The following IL1RL2 variants were observed in gnomAD, a reference collection of about 807,000 sequenced individuals.
IL1RL2 encodes interleukin 1 receptor like 2, also known as interleukin-1 receptor-like 2.
A neutral mutation model predicts 66.8 loss-of-function variants in IL1RL2; 68 were observed. The observed-to-expected ratio is 1.02, with a 90% confidence interval of 0.84 to 1.25. The LOEUF is 1.25. Among genes scored for constraint, IL1RL2 ranks in the 50% most tolerant of loss-of-function variants. The pLI, the probability that IL1RL2 is intolerant of heterozygous loss-of-function variation, is 0.00. For missense variants in IL1RL2, 729 were observed against 709.3 expected (o/e 1.03, Z -0.32); for synonymous variants, 305 against 264.6 (o/e 1.15, Z -1.48).
chr2:102,219,952 A>T lies in IL1RL2; in HGVS notation c.926A>T (p.Asp309Val). The change falls in exon 8 of 12, where the codon GAT becomes GTT. Residue 309 changes from aspartate (D) to valine (V), a missense_variant. Physicochemically the swap from Asp to Val is radical, Grantham distance 152 (BLOSUM62 -3). Coordinates refer to ENST00000264257, the MANE Select transcript of IL1RL2 (RefSeq NM_003854.4). ...NITFLEVKME[D>V]YGLPFMCHAG... ...ACCTTCTTGGAAGTGAAAATGGAAG[A>T]TTATGGCCTTCCTTTCATGTGCCAC... 6.2e-7 allele frequency: 1 copy of T among 1,613,696 alleles called. No homozygotes were observed. Among genetic ancestry groups the T allele is most frequent in the Non-Finnish European group, 8.5e-7 (1 of 1,179,632 alleles).
At chr2:102,211,078 C>T (rs1689129546) in intron 5 of IL1RL2, among the ~76,000 whole-genome samples, 1 of 152,040 alleles carries the variant, frequency 6.6e-6, no homozygotes, top group Admixed American at 6.6e-5. Flanking sequence ...TGTGTGTGAT[C>T]TAGTGGGTGA....
intron 6 of IL1RL2, among the ~76,000 whole-genome samples, chr2:102,218,735 T>C (rs993306414): frequency 6.6e-6 from 1 of 152,222 alleles, no homozygotes; most frequent in Non-Finnish European, 1.5e-5. Flanking sequence ...GTAATGCATG[T>C]GTGTCCCTTT....
At chr2:102,199,581 A>G (rs1688060120) in intron 4 of IL1RL2, among the ~76,000 whole-genome samples, 1 of 152,266 alleles carries the variant, frequency 6.6e-6, no homozygotes. Flanking sequence ...TTTTAAATTT[A>G]AATCCAAGCT....
chr2:102,215,799 T>C (rs1689563267), intron 6 of IL1RL2, among the ~76,000 whole-genome samples: 1 of 152,126 alleles, frequency 6.6e-6, no homozygotes, highest in African/African-American at 2.4e-5. Flanking sequence ...AAGACTACAC[T>C]TCTGTCTCTG....
Position 102,187,103 on chromosome 2 carries a change from G to A in IL1RL2, c.-13+17G>A. On this transcript the variant is annotated intron_variant, in intron 1 of 11. Coordinates refer to ENST00000264257, the MANE Select transcript of IL1RL2 (RefSeq NM_003854.4). ...TGCAGGCAGGTAGACACCGGGCCGG[G>A]AGTCTGGCTGAGCCAGGCATGGGTG... The A allele has an allele frequency of 7.8e-7, 1 of 1,289,738 alleles. No homozygotes were observed. Among genetic ancestry groups the A allele is most frequent in the Non-Finnish European group, 1.0e-6 (1 of 988,740 alleles). The allele number at this position is 1,289,738 out of a possible 1,614,324, so 79.9% of individuals were successfully genotyped here.
chr2:102,188,986 A>G, intron 2 of IL1RL2, 90 bp from the exon 3 acceptor site: 1 of 915,378 alleles, frequency 1.1e-6, no homozygotes, highest in Non-Finnish European at 1.6e-6. Flanking sequence ...TTGGCTGGAA[A>G]ATTGAAGAGG....
rs762988343 is a variant in IL1RL2, at chr2:102,225,903, G to C, written c.997G>C (p.Asp333His). ...TTTTTTGCTGTCATTTGTAGCTCCG[G>C]ATTTTCGAGCTTACTTGATAGGAGG... is the stretch of plus-strand genomic sequence containing the variant. ...AYIILQLPAP[D>H]FRAYLIGGLI... Residue 333 changes from aspartate to histidine, a missense_variant, in exon 9 of 12, where the codon GAT becomes CAT. Transcript: ENST00000264257. 4.4e-6 allele frequency: 7 copies of C among 1,575,202 alleles called. No homozygotes were observed. Among genetic ancestry groups the C allele is most frequent in the Non-Finnish European group, 6.0e-6 (7 of 1,163,000 alleles).
At chr2:102,235,460 T>G (rs2104900749) in intron 11 of IL1RL2, 183 bp downstream of exon 11, 2 of 985,466 alleles carry the variant, frequency 2.0e-6, no homozygotes, top group Non-Finnish European at 2.4e-6. Context: ...CAGAGCTGCT[T>G]CTTCAGGGAA....
chr2:102,229,243 A>T (rs1578189390), intron 9 of IL1RL2, among the ~76,000 whole-genome samples: 1 of 152,198 alleles, frequency 6.6e-6, no homozygotes, highest in East Asian at 1.9e-4. Context: ...ATTTTAAGGG[A>T]GTGGAAATAG....
chr2:102,188,044 C>G (rs1295016836), intron 2 of IL1RL2, 119 bp downstream of exon 2: 26 of 934,892 alleles, frequency 2.8e-5, no homozygotes, highest in Non-Finnish European at 4.0e-5. Context: ...CTCCCCAGAC[C>G]GCCAGGCGGA....
chr2:102,219,876 T>A lies in IL1RL2; in HGVS notation c.855-5T>A. 6.2e-7 allele frequency: 1 copy of A among 1,600,200 alleles called. No individual in the cohort carries two copies. The highest frequency in any genetic ancestry group is 1.3e-5 in the African/African-American group (1 of 74,840). On this transcript the variant is annotated splice_polypyrimidine_tract_variant and splice_region_variant and intron_variant, in intron 7 of 11. Transcript: ENST00000264257. ...GTATTAATGACTTACTCTTTTCTTTTATAGAACCCATGTCTCTTTTCGGGA... is the reference window on the plus strand; with the variant it reads ...GTATTAATGACTTACTCTTTTCTTTAATAGAACCCATGTCTCTTTTCGGGA...
At chr2:102,220,376 G>A (rs990792347) in intron 8 of IL1RL2, among the ~76,000 whole-genome samples, 1 of 152,158 alleles carries the variant, frequency 6.6e-6, no homozygotes, top group Non-Finnish European at 1.5e-5. Context: ...AAGCCAAAAT[G>A]CCTATGTATA....
At chr2:102,207,742 A>T (rs762251793) in intron 5 of IL1RL2, among the ~76,000 whole-genome samples, 1 of 152,132 alleles carries the variant, frequency 6.6e-6, no homozygotes, top group Non-Finnish European at 1.5e-5. Context: ...GCTGCCCTAG[A>T]TGGGAATACT....
At position 102,189,168 on chromosome 2, in the gene IL1RL2, G is replaced by A. The variant is rs370027210; in HGVS notation, c.151G>A (p.Glu51Lys). The A allele has an allele frequency of 2.0e-5, 33 of 1,613,934 alleles. No homozygotes were observed. The highest frequency in any genetic ancestry group is 2.8e-5 in the Non-Finnish European group (33 of 1,179,928). ...TACATTCCCTCCCATAACATCTGGG[G>A]AAGTCAGTGTAACATGGTATAAAAA... ...NCTFPPITSG[E>K]VSVTWYKNSS... The change falls in exon 3 of 12, where the codon GAA becomes AAA. Residue 51 changes from glutamate (E) to lysine (K), a missense_variant. Transcript: ENST00000264257.
downstream of IL1RL2, among the ~76,000 whole-genome samples, chr2:102,241,938 T>C (rs888636882): frequency 1.3e-5 from 2 of 152,240 alleles, no homozygotes; most frequent in Admixed American, 6.5e-5. Context: ...TACTATGATG[T>C]CTCGGATTTA....
At chr2:102,188,033 C>A in intron 2 of IL1RL2, 108 bp downstream of exon 2, 1 of 1,007,012 alleles carries the variant, frequency 9.9e-7, no homozygotes, top group East Asian at 2.4e-5. Context: ...GGCTCCTTCC[C>A]CTCCCCAGAC....
Position 102,235,175 on chromosome 2 carries a change from A to C in IL1RL2, c.1576A>C (p.Thr526Pro). The C allele has an allele frequency of 1.9e-6, 3 of 1,614,220 alleles. No individual in the cohort carries two copies. Among genetic ancestry groups the C allele is most frequent in the Non-Finnish European group, 2.5e-6 (3 of 1,180,040 alleles). The change falls in exon 11 of 12, where the codon ACC becomes CCC. Residue 526 changes from threonine (T) to proline (P), a missense_variant. By Grantham distance (38) the Thr-to-Pro change is conservative (BLOSUM62 -1). Coordinates refer to ENST00000264257, the MANE Select transcript of IL1RL2 (RefSeq NM_003854.4). ...DFTEQSQCMK[T>P]KFWKTVRYHM... is the part of the protein sequence containing the mutation. The stretch of plus-strand genomic sequence containing the variant: ...CACGGAGCAGTCACAGTGTATGAAG[A>C]CCAAGTTTTGGAAGACAGTGAGATA...
chr2:102,231,922 C>T (rs1180482012), intron 9 of IL1RL2, among the ~76,000 whole-genome samples: 2 of 152,166 alleles, frequency 1.3e-5, no homozygotes, highest in Admixed American at 6.5e-5. Context: ...CCAGTTTTGC[C>T]TGGTGCAGTT....
chr2:102,195,639 C>T (rs868456737), intron 4 of IL1RL2, among the ~76,000 whole-genome samples: 4 of 31,888 alleles, frequency 1.3e-4, no homozygotes, highest in Admixed American at 3.1e-4. Flanking sequence ...CTCTCTCTCT[C>T]TCTCTCTCTT....
Sources: gnomAD v4.1 joint callset for allele counts (sites outside exome capture counted in the v4.1 genomes callset) on GRCh38, gnomAD v4.1.1 for gene constraint, MANE v1.5 for transcripts, NCBI Gene and HGNC (gene_info 2026-07-23, HGNC 2026-07-21) for gene names.